Variants in CPAMD8 observed in about 807,000 individuals in gnomAD.
CPAMD8 encodes C3 and PZP like alpha-2-macroglobulin domain containing 8.
Under a neutral mutation model 224.7 loss-of-function variants are expected in CPAMD8, and 146 were observed. The ratio of observed to expected loss-of-function variants is 0.65; its 90% CI spans 0.57 to 0.75. The LOEUF (loss-of-function observed/expected upper bound fraction) is 0.75. CPAMD8 is among the 30% of genes least tolerant of loss of function. The probability of loss-of-function intolerance (pLI) is 0.00; values close to 1 mark genes in which losing one functional copy is unlikely to be tolerated. For missense variants in CPAMD8, 2,301 were observed against 2,537.5 expected, an observed-to-expected ratio of 0.91 and a Z score of 2.00; for synonymous variants, 966 against 1,044.6, an observed-to-expected ratio of 0.92 and a Z score of 1.45.
At chr19:16,934,581 G>T (rs1416171559) in intron 23 of CPAMD8, among the ~76,000 whole-genome samples, 1 of 152,078 alleles carries the variant, frequency 6.6e-6, no homozygotes, top group Admixed American at 6.6e-5. Flanking sequence ...AAAGTGCTCA[G>T]AATGTGTTAA....
chr19:16,956,814 CCCG>C (rs1442931490), intron 19 of CPAMD8, among the ~76,000 whole-genome samples: 1 of 151,908 alleles, frequency 6.6e-6, no homozygotes, highest in African/African-American at 2.4e-5. Context: ...ACTACAGGCG[CCCG>C]CCACCATGCC....
chr19:17,012,350 C>CTTT (rs984597501), intron 3 of CPAMD8, among the ~76,000 whole-genome samples: 31 of 74,340 alleles, frequency 4.2e-4, no homozygotes, highest in African/African-American at 1.0e-3. Flanking sequence ...TTCTTTCTTT[C>CTTT]TTTTTTTTTT....
At chr19:16,942,805 T>G (rs2053945134) in intron 22 of CPAMD8, among the ~76,000 whole-genome samples, 1 of 152,172 alleles carries the variant, frequency 6.6e-6, no homozygotes, top group Non-Finnish European at 1.5e-5. Flanking sequence ...TCTGTGCTCT[T>G]TCTGGCTTGG....
At chr19:16,952,451 G>A (rs886096817) in intron 19 of CPAMD8, among the ~76,000 whole-genome samples, 5 of 152,210 alleles carry the variant, frequency 3.3e-5, no homozygotes, top group Non-Finnish European at 7.3e-5. Context: ...GCCGAGGTGG[G>A]AGACTGCCCG....
intron 8 of CPAMD8, among the ~76,000 whole-genome samples, chr19:17,002,855 A>T (rs1305471427): frequency 1.3e-5 from 2 of 149,878 alleles, no homozygotes; most frequent in African/African-American, 4.9e-5. Flanking sequence ...TCCTGAGAGA[A>T]CTCTTGTAGG....
At chr19:16,999,516 C>T (rs76217667) in intron 10 of CPAMD8, among the ~76,000 whole-genome samples, 9,680 of 149,104 alleles carry the variant, frequency 0.065, 391 homozygotes, top group Middle Eastern at 0.091. Context: ...ACCCAGGAGG[C>T]GGAGCTTGCA....
At chr19:16,949,130 A>G (rs1568516254) in intron 20 of CPAMD8, among the ~76,000 whole-genome samples, 2 of 152,098 alleles carry the variant, frequency 1.3e-5, no homozygotes, top group South Asian at 2.1e-4. Flanking sequence ...GCCATTTTCC[A>G]GGTCCTGAGT....
chr19:16,945,174 C>T (rs919642793), intron 22 of CPAMD8, among the ~76,000 whole-genome samples: 1 of 152,172 alleles, frequency 6.6e-6, no homozygotes, highest in Non-Finnish European at 1.5e-5. Context: ...CTGTGTCCTT[C>T]CTACACAGGC....
At chr19:16,935,027 T>A (rs1156236385) in intron 23 of CPAMD8, among the ~76,000 whole-genome samples, 1 of 152,206 alleles carries the variant, frequency 6.6e-6, no homozygotes, top group Non-Finnish European at 1.5e-5. Flanking sequence ...TCTTTCTCTA[T>A]GATTTTGACT....
Position 17,009,468 on chromosome 19 carries a change from A to AG in CPAMD8, c.487-149_487-148insC, listed in dbSNP as rs1304720586. The AG allele has an allele frequency of 3.3e-5, 45 of 1,366,414 alleles. 1 individual carries two copies. The highest frequency in any genetic ancestry group is 1.9e-4 in the Middle Eastern group (1 of 5,360). 84.6% of individuals were successfully genotyped at this position (1,366,414 alleles called of 1,614,324 possible). On this transcript the variant is annotated intron_variant, in intron 5 of 41. Transcript: ENST00000443236. ...CCCTAGATTACATCCGTTGAATCCT[A>AG]ACCCCAAGTAGGGTCTTTAGAAAGA...
chr19:16,974,820 A>G (rs1464570470), intron 17 of CPAMD8, among the ~76,000 whole-genome samples: 1 of 151,854 alleles, frequency 6.6e-6, no homozygotes, highest in African/African-American at 2.4e-5. Context: ...ATAAAGCAAA[A>G]TAAAATTAGC....
At chr19:16,947,601 CA>C (rs1360912010) in intron 20 of CPAMD8, among the ~76,000 whole-genome samples, 39 of 152,338 alleles carry the variant, frequency 2.6e-4, no homozygotes, top group Admixed American at 1.9e-3. Context: ...AGCAGGTCCA[CA>C]GAGTGCCTCT....
intron 9 of CPAMD8, 142 bp downstream of exon 9, chr19:17,002,124 G>T: frequency 1.6e-6 from 1 of 616,530 alleles, no homozygotes. Context: ...ACCCCAGGGA[G>T]GAGGGAACCA....
intron 17 of CPAMD8, among the ~76,000 whole-genome samples, 173 bp downstream of exon 17, chr19:16,974,924 A>G (rs1394482661): frequency 6.6e-6 from 1 of 152,160 alleles, no homozygotes; most frequent in Non-Finnish European, 1.5e-5. Context: ...GCAGTGAGCT[A>G]TGATCACACC....
chr19:16,967,894 T>TGCATATACACACACAC (rs2054900926), intron 18 of CPAMD8, among the ~76,000 whole-genome samples: 15 of 17,264 alleles, frequency 8.7e-4, no homozygotes, highest in African/African-American at 1.1e-3. Context: ...CACACACATG[T>TGCATATACACACACAC]GTGTGTATAT....
intron 18 of CPAMD8, among the ~76,000 whole-genome samples, chr19:16,968,824 A>C (rs1226592663): frequency 6.6e-6 from 1 of 152,018 alleles, no homozygotes; most frequent in African/African-American, 2.4e-5. Flanking sequence ...ATTTGTGTAG[A>C]GACAAGGTTT....
intron 41 of CPAMD8, chr19:16,894,614 T>C (rs2051886550): frequency 2.6e-6 from 1 of 378,286 alleles, no homozygotes; most frequent in Non-Finnish European, 5.4e-6. Context: ...TGTACAACTC[T>C]GCCTCCTTTC....
chr19:17,006,062 A>C (rs760684775), intron 7 of CPAMD8, among the ~76,000 whole-genome samples: 1 of 151,912 alleles, frequency 6.6e-6, no homozygotes, highest in Non-Finnish European at 1.5e-5. Context: ...TCCCGGGTTC[A>C]AGAGATTCTT....
rs887261925 is a variant in CPAMD8, at chr19:17,026,585, G to C, written c.58C>G (p.Arg20Gly). ...LPLLLLLLSA[R>G]DGVRAAQPQA... ...GGCTGCGCGGCGCGCACGCCGTCCC[G>C]CGCCGACAGCAGCAGGAGCAGGAGC... is the stretch of plus-strand genomic sequence containing the variant. Residue 20 changes from arginine (R) to glycine (G), a missense_variant, in exon 1 of 42, where the codon CGG (arginine) becomes GGG (glycine). By Grantham distance (125) the Arg-to-Gly change is moderately radical. Coordinates refer to ENST00000443236, the MANE Select transcript of CPAMD8 (RefSeq NM_015692.5). 1 of 1,528,096 alleles carries C rather than the reference G, an allele frequency of 6.5e-7. No individual in the cohort carries two copies. The highest frequency in any genetic ancestry group is 2.0e-5 in the Admixed American group (1 of 49,998). 94.7% of individuals were successfully genotyped at this position (1,528,096 alleles called of 1,614,324 possible).
Sources: allele counts gnomAD v4.1 joint callset (sites outside exome capture counted in the v4.1 genomes callset), GRCh38; gene constraint gnomAD v4.1.1; transcripts MANE v1.5; gene names NCBI Gene and HGNC (gene_info 2026-07-23, HGNC 2026-07-21).